PCNX4: variants seen among roughly 807,000 people sequenced by gnomAD.
PCNX4 encodes pecanex-like protein 4.
A neutral mutation model predicts 107.2 loss-of-function variants in PCNX4; 103 were observed. The observed-to-expected ratio is 0.96, with a 90% CI of 0.82 to 1.13. PCNX4 has a LOEUF of 1.13. PCNX4 is among the 50% of genes most tolerant of loss of function. PCNX4 has a pLI of 0.00. For synonymous variants in PCNX4, 541 were observed against 481.7 expected (o/e 1.12, Z -1.61); for missense variants, 1,528 against 1,379.4 (o/e 1.11, Z -1.71).
chr14:60,111,152 A>T (rs1025373088), intron 2 of PCNX4: 9 of 154,486 alleles, frequency 5.8e-5, no homozygotes, highest in African/African-American at 2.2e-4. Context: ...TCTGTTGTTT[A>T]AGCCACTCAG....
At chr14:60,099,822 G>C (rs1895495133) in intron 1 of PCNX4, among the ~76,000 whole-genome samples, 1 of 152,112 alleles carries the variant, frequency 6.6e-6, no homozygotes, top group Non-Finnish European at 1.5e-5. Flanking sequence ...CCAGCACTTT[G>C]GGAGGCTGAG....
chr14:60,119,701 A>G (rs1310051420), intron 7 of PCNX4, among the ~76,000 whole-genome samples: 2 of 152,210 alleles, frequency 1.3e-5, no homozygotes, highest in Non-Finnish European at 2.9e-5. Context: ...AACTCCCATC[A>G]GAAATAGTAA....
intron 7 of PCNX4, 148 bp from the exon 8 acceptor site, chr14:60,121,048 A>G: frequency 2.1e-6 from 2 of 965,788 alleles, no homozygotes; most frequent in South Asian, 2.0e-5. Flanking sequence ...ACACATGAAT[A>G]GTTATTTCTG....
chr14:60,113,813 C>G (rs1448522448), intron 2 of PCNX4, among the ~76,000 whole-genome samples: 1 of 152,160 alleles, frequency 6.6e-6, no homozygotes, highest in African/African-American at 2.4e-5. Flanking sequence ...GGTCTCTGGA[C>G]ACAGTGTTTA....
intron 1 of PCNX4, among the ~76,000 whole-genome samples, chr14:60,100,390 C>G (rs930246859): frequency 6.6e-6 from 1 of 152,128 alleles, no homozygotes; most frequent in Non-Finnish European, 1.5e-5. Flanking sequence ...CCTCTGTCTC[C>G]CAGGTTCAAG....
chr14:60,115,878 T>C, intron 5 of PCNX4, 59 bp downstream of exon 5: 1 of 1,588,526 alleles, frequency 6.3e-7, no homozygotes, highest in Non-Finnish European at 8.6e-7. Context: ...TGTAATTTTG[T>C]TTAATAGTTT....
chr14:60,098,510 A>C (rs575839013), intron 1 of PCNX4, among the ~76,000 whole-genome samples: 41 of 152,358 alleles, frequency 2.7e-4, no homozygotes, highest in Admixed American at 2.5e-3. Context: ...ATAGATCCAA[A>C]GAGATGTTAA....
chr14:60,131,301 TC>T (rs1896150630), intron 10 of PCNX4, among the ~76,000 whole-genome samples: 1 of 152,212 alleles, frequency 6.6e-6, no homozygotes, highest in Admixed American at 6.5e-5. Flanking sequence ...GCTGACATGA[TC>T]TTAATGTATA....
In PCNX4 at chr14:60,147,620, A is replaced by T. The variant is rs964334672; in HGVS notation, c.*13399A>T. ...AATAGCTAACACTTAGAACACTCCA[A>T]GTTGTGTTTTAAGTGCTTTTCATAT... On this transcript the variant is annotated 3_prime_UTR_variant, in exon 11 of 11. Transcript: ENST00000406854. The T allele has an allele frequency of 4.6e-5, 7 of 152,224 alleles. No individual in the cohort carries two copies. Among genetic ancestry groups the T allele is most frequent in the African/African-American group, 1.7e-4 (7 of 41,454 alleles). The allele number at this position is 152,224 out of a possible 1,614,324, so 9.4% of individuals were successfully genotyped here. A position where few individuals can be genotyped will look rare whatever the true frequency, so the allele number is the denominator to read the frequency against.
At chr14:60,109,807 C>G (rs1247956758) in intron 2 of PCNX4, 2 of 167,172 alleles carry the variant, frequency 1.2e-5, no homozygotes, top group Admixed American at 1.3e-4. Flanking sequence ...CTGAAGTCCC[C>G]TGAACCCAGA....
At chr14:60,098,921 A>C (rs949752727) in intron 1 of PCNX4, among the ~76,000 whole-genome samples, 6 of 151,896 alleles carry the variant, frequency 4.0e-5, no homozygotes, top group Non-Finnish European at 5.9e-5. Context: ...CTGGGCAACA[A>C]CAGCGAAACT....
In PCNX4 at chr14:60,143,778, G is replaced by A. The variant is rs1896335805; in HGVS notation, c.*9557G>A. On this transcript the variant is annotated 3_prime_UTR_variant, in exon 11 of 11. Coordinates refer to ENST00000406854, the MANE Select transcript of PCNX4 (RefSeq NM_001330177.2). ...ACTATTCTACAGTTATTTTATGTAT[G>A]TTACTTTGGCTCCAGCTCAATTGTG... 1 of 152,184 alleles carries A rather than the reference G, an allele frequency of 6.6e-6. No homozygotes were observed. The highest frequency in any genetic ancestry group is 1.5e-5 in the Non-Finnish European group (1 of 68,050). 9.4% of individuals were successfully genotyped at this position (152,184 alleles called of 1,614,324 possible). A position where few individuals can be genotyped will look rare whatever the true frequency, so the allele number is the denominator to read the frequency against.
intron 1 of PCNX4, among the ~76,000 whole-genome samples, chr14:60,106,264 A>G (rs1284390157): frequency 6.6e-6 from 1 of 152,196 alleles, no homozygotes; most frequent in Non-Finnish European, 1.5e-5. Context: ...ATAAAATGGT[A>G]TCATATATGC....
At position 60,139,712 on chromosome 14, in the gene PCNX4, G is replaced by T. The variant is rs1256412786; in HGVS notation, c.*5491G>T. The T allele has an allele frequency of 6.6e-6, 1 of 152,016 alleles. No homozygotes were observed. The highest frequency in any genetic ancestry group is 1.5e-5 in the Non-Finnish European group (1 of 67,942). The allele number at this position is 152,016 out of a possible 1,614,324, so 9.4% of individuals were successfully genotyped here. A position where few individuals can be genotyped will look rare whatever the true frequency, so the allele number is the denominator to read the frequency against. On this transcript the variant is annotated 3_prime_UTR_variant, in exon 11 of 11. Transcript: ENST00000406854. The stretch of plus-strand genomic sequence containing the variant: ...GACCATATTCCAAGTCATAGGAATG[G>T]AATATATTCTTTGGCCATGTATCAT...
rs947328218 is a variant in PCNX4 at position 60,137,595 on chromosome 14, C to G, written c.*3374C>G. On this transcript the variant is annotated 3_prime_UTR_variant, in exon 11 of 11. Transcript: ENST00000406854. ...GGAAACAAGACAACATGATGAAAAT[C>G]CGAAAGAAGCGACAGATGATGGGAC... The G allele has an allele frequency of 1.3e-5, 2 of 152,126 alleles. No homozygotes were observed. The highest frequency in any genetic ancestry group is 4.8e-5 in the African/African-American group (2 of 41,394). 9.4% of individuals were successfully genotyped at this position (152,126 alleles called of 1,614,324 possible).
At chr14:60,131,169 T>C (rs1390004208) in intron 10 of PCNX4, among the ~76,000 whole-genome samples, 1 of 152,206 alleles carries the variant, frequency 6.6e-6, no homozygotes, top group East Asian at 1.9e-4. Context: ...GTCTCTTCTT[T>C]AAGTCACCTA....
intron 1 of PCNX4, among the ~76,000 whole-genome samples, chr14:60,094,436 A>G (rs1311435174): frequency 6.6e-6 from 1 of 152,198 alleles, no homozygotes; most frequent in Non-Finnish European, 1.5e-5. Context: ...ACCTTGGTCA[A>G]AGTGACACAT....
Position 60,118,523 on chromosome 14 carries a change from C to G in PCNX4, c.1773C>G (p.Leu591=). ...VFSTLLSSPL[L]PLFTLPVFLV... ...CTACACTACTCTCTTCTCCCTTACT[C>G]CCTCTTTTCACCCTTCCTGTGTTCT... Residue 591 remains leucine (L), a synonymous_variant, in exon 7 of 11, where the codon CTC becomes CTG. Transcript: ENST00000406854. 6.2e-7 allele frequency: 1 copy of G among 1,613,792 alleles called. No individual in the cohort carries two copies. The highest frequency in any genetic ancestry group is 8.5e-7 in the Non-Finnish European group (1 of 1,179,838).
chr14:60,102,790 G>A (rs1895558123), intron 1 of PCNX4, among the ~76,000 whole-genome samples: 1 of 152,070 alleles, frequency 6.6e-6, no homozygotes, highest in Non-Finnish European at 1.5e-5. Context: ...AGAACTATGT[G>A]CCAAATTCTC....
Sources: allele counts gnomAD v4.1 joint callset (sites outside exome capture counted in the v4.1 genomes callset), GRCh38; gene constraint gnomAD v4.1.1; transcripts MANE v1.5; gene names NCBI Gene and HGNC (gene_info 2026-07-23, HGNC 2026-07-21).